The following HPSE2 variants were observed in gnomAD, a reference collection of about 807,000 sequenced individuals.
HPSE2 encodes the protein heparanase 2 (inactive), also known as inactive heparanase-2.
Under a neutral mutation model 60.5 loss-of-function variants are expected in HPSE2, and 38 were observed. The observed-to-expected ratio is 0.63, with a 90% CI of 0.48 to 0.82. HPSE2 has a LOEUF of 0.82. Ranked by LOEUF, HPSE2 falls within the 40% of genes least tolerant of loss-of-function variation. HPSE2 has a pLI of 0.00. For synonymous variants in HPSE2, 295 were observed against 293.2 expected, an observed-to-expected ratio of 1.01 and a Z score of -0.06; for missense variants, 713 against 740.4, an observed-to-expected ratio of 0.96 and a Z score of 0.43.
intron 3 of HPSE2, among the ~76,000 whole-genome samples, chr10:98,817,610 TACTA>T (rs1951321733): frequency 6.6e-6 from 1 of 152,196 alleles, no homozygotes; most frequent in South Asian, 2.1e-4. Context: ...TGGTTTCTTC[TACTA>T]ACTCTCACTC....
chr10:98,656,767 T>G (rs959231129), intron 6 of HPSE2, among the ~76,000 whole-genome samples: 1 of 150,518 alleles, frequency 6.6e-6, no homozygotes, highest in South Asian at 2.1e-4. Context: ...ATAGGTTTTT[T>G]TTTTTTTTTT....
chr10:98,761,803 T>C (rs556466387), intron 3 of HPSE2, among the ~76,000 whole-genome samples: 10 of 152,310 alleles, frequency 6.6e-5, no homozygotes, highest in Non-Finnish European at 1.2e-4. Context: ...CATGGTCTTA[T>C]GTTCTTCCTT....
intron 3 of HPSE2, among the ~76,000 whole-genome samples, chr10:99,027,612 G>A (rs1957406995): frequency 6.6e-6 from 1 of 151,960 alleles, no homozygotes; most frequent in African/African-American, 2.4e-5. Flanking sequence ...CTCATTCTAT[G>A]AGGCCAGGAT....
chr10:98,906,340 T>C (rs7091740), intron 3 of HPSE2, among the ~76,000 whole-genome samples: 22,064 of 152,132 alleles, frequency 0.15, 2,307 homozygotes, highest in African/African-American at 0.29. Flanking sequence ...TGGAGTTTCA[T>C]TGTGAAGAAA....
chr10:99,266,047 G>A, the HPSE2 span, among the ~76,000 whole-genome samples: 1 of 152,228 alleles, frequency 6.6e-6, no homozygotes, highest in South Asian at 2.1e-4. Flanking sequence ...GGCTACCAGA[G>A]GAACTGGGAA....
chr10:98,877,684 C>T (rs1423205274), intron 3 of HPSE2, among the ~76,000 whole-genome samples: 7 of 151,750 alleles, frequency 4.6e-5, no homozygotes, highest in Admixed American at 1.3e-4. Context: ...GATAAAGAAT[C>T]GATATAGCTA....
intron 2 of HPSE2, among the ~76,000 whole-genome samples, chr10:99,177,759 G>C (rs1360975908): frequency 6.6e-6 from 1 of 152,064 alleles, no homozygotes; most frequent in Non-Finnish European, 1.5e-5. Flanking sequence ...ACTCAGCTCT[G>C]GACCAAGCGA....
chr10:98,500,130 AAC>A (rs1941982085), intron 9 of HPSE2, among the ~76,000 whole-genome samples: 2 of 152,222 alleles, frequency 1.3e-5, no homozygotes, highest in Non-Finnish European at 2.9e-5. Context: ...ACAGAAAGTC[AAC>A]AAAGAAACAA....
chr10:98,887,086 T>C (rs879401148), intron 3 of HPSE2, among the ~76,000 whole-genome samples: 9 of 152,084 alleles, frequency 5.9e-5, no homozygotes, highest in Admixed American at 5.9e-4. Flanking sequence ...ATGATTAATA[T>C]ACCAAACAAT....
chr10:98,639,557 C>A (rs1946584491), intron 7 of HPSE2, among the ~76,000 whole-genome samples: 1 of 152,152 alleles, frequency 6.6e-6, no homozygotes, highest in Non-Finnish European at 1.5e-5. Context: ...CCTTCTAAGT[C>A]CATTAGGTTT....
intron 3 of HPSE2, among the ~76,000 whole-genome samples, chr10:98,817,964 C>T (rs887093194): frequency 7.2e-5 from 11 of 152,118 alleles, no homozygotes; most frequent in Admixed American, 2.0e-4. Context: ...GATTGGTTTC[C>T]GGACCCATGC....
intron 6 of HPSE2, among the ~76,000 whole-genome samples, chr10:98,650,541 T>C (rs1946888033): frequency 6.6e-6 from 1 of 152,180 alleles, no homozygotes; most frequent in Non-Finnish European, 1.5e-5. Context: ...ACAATTCTAG[T>C]TTGAATTGAT....
intron 3 of HPSE2, among the ~76,000 whole-genome samples, chr10:98,772,960 G>A (rs1950271036): frequency 6.6e-6 from 1 of 152,160 alleles, no homozygotes; most frequent in Admixed American, 6.6e-5. Context: ...ATAAGCTCAC[G>A]AGGTCAACAA....
chr10:98,777,349 A>G (rs1421703734), intron 3 of HPSE2, among the ~76,000 whole-genome samples: 1 of 152,196 alleles, frequency 6.6e-6, no homozygotes, highest in Non-Finnish European at 1.5e-5. Context: ...CAAACCAGTC[A>G]TTTTGTTTTT....
intron 3 of HPSE2, among the ~76,000 whole-genome samples, chr10:98,819,518 T>C: frequency 6.6e-6 from 1 of 151,060 alleles, no homozygotes; most frequent in East Asian, 2.0e-4. Flanking sequence ...CCTTTTCCCA[T>C]AAGGGTAAGA....
At chr10:99,311,427 G>A in the HPSE2 span, among the ~76,000 whole-genome samples, 1 of 152,022 alleles carries the variant, frequency 6.6e-6, no homozygotes, top group African/African-American at 2.4e-5. Flanking sequence ...TGTAATTCTT[G>A]TTAATATTTC....
chr10:99,024,001 G>A (rs1957322923), intron 3 of HPSE2, among the ~76,000 whole-genome samples: 1 of 152,198 alleles, frequency 6.6e-6, no homozygotes, highest in Admixed American at 6.5e-5. Context: ...ACTAAATAAG[G>A]TGCTGCTGAC....
At chr10:98,898,192 A>G (rs1430306531) in intron 3 of HPSE2, among the ~76,000 whole-genome samples, 1 of 152,212 alleles carries the variant, frequency 6.6e-6, no homozygotes, top group East Asian at 1.9e-4. Flanking sequence ...AGCTAAACAT[A>G]GTCTTACCTT....
At chr10:98,805,517 TC>T (rs1951021889) in intron 3 of HPSE2, among the ~76,000 whole-genome samples, 1 of 152,026 alleles carries the variant, frequency 6.6e-6, no homozygotes, top group Non-Finnish European at 1.5e-5. Context: ...CTTGTGTACC[TC>T]ATAAATATAT....
Sources: gnomAD v4.1 joint callset for allele counts (sites outside exome capture counted in the v4.1 genomes callset) on GRCh38, gnomAD v4.1.1 for gene constraint, MANE v1.5 for transcripts, NCBI Gene and HGNC (gene_info 2026-07-23, HGNC 2026-07-21) for gene names.